Variants in FAM227B observed in about 807,000 individuals in gnomAD.
FAM227B encodes the protein protein FAM227B.
FAM227B carries 88 observed loss-of-function variants against 73.8 expected under a neutral mutation model. The observed-to-expected ratio is 1.19, with a 90% CI of 1.00 to 1.42. FAM227B has a LOEUF of 1.42. Among genes scored for constraint, FAM227B ranks in the 40% most tolerant of loss-of-function variants. FAM227B has a pLI of 0.00. For synonymous variants in FAM227B, 210 were observed against 190.5 expected, an observed-to-expected ratio of 1.10 and a Z score of -0.84; for missense variants, 632 against 590.9, an observed-to-expected ratio of 1.07 and a Z score of -0.72.
chr15:49,340,604 G>A (rs1308186554), intron 13 of FAM227B, among the ~76,000 whole-genome samples: 1 of 152,044 alleles, frequency 6.6e-6, no homozygotes, highest in Non-Finnish European at 1.5e-5. Flanking sequence ...ACTTTTTAAT[G>A]GGGCTATTTA....
At chr15:49,528,383 A>T (rs1001942741) in intron 10 of FAM227B, among the ~76,000 whole-genome samples, 5 of 151,742 alleles carry the variant, frequency 3.3e-5, no homozygotes, top group Admixed American at 1.3e-4. Context: ...AAGAACTGAA[A>T]CTATAAAATA....
intron 11 of FAM227B, among the ~76,000 whole-genome samples, chr15:49,417,006 C>T (rs974316201): frequency 1.3e-5 from 2 of 152,112 alleles, no homozygotes; most frequent in African/African-American, 4.8e-5. Flanking sequence ...ATCAAACTAC[C>T]AATGACATTC....
At chr15:49,542,628 T>C (rs939373037) in intron 9 of FAM227B, among the ~76,000 whole-genome samples, 6 of 151,854 alleles carry the variant, frequency 4.0e-5, no homozygotes, top group African/African-American at 9.7e-5. Flanking sequence ...CTTAGAATAA[T>C]TGTCTGCAGC....
At chr15:49,531,161 G>A (rs931531598) in intron 10 of FAM227B, among the ~76,000 whole-genome samples, 2 of 151,706 alleles carry the variant, frequency 1.3e-5, no homozygotes, top group African/African-American at 2.4e-5. Context: ...ATATTCTTAG[G>A]TAAAAATACA....
intron 11 of FAM227B, among the ~76,000 whole-genome samples, chr15:49,442,370 T>C (rs970336097): frequency 6.6e-6 from 1 of 151,630 alleles, no homozygotes; most frequent in Admixed American, 6.6e-5. Flanking sequence ...GCCATTTCAG[T>C]CCACCCCTGC....
chr15:49,381,061 C>T (rs954645276), intron 11 of FAM227B, among the ~76,000 whole-genome samples: 1 of 152,032 alleles, frequency 6.6e-6, no homozygotes, highest in African/African-American at 2.4e-5. Flanking sequence ...GAAGCAAGAG[C>T]AAGGGGGAGG....
chr15:49,617,805 T>C (rs138178508), intron 1 of FAM227B, among the ~76,000 whole-genome samples: 1 of 151,204 alleles, frequency 6.6e-6, no homozygotes, highest in African/African-American at 2.5e-5. Context: ...TGTGTGTGTG[T>C]GACAGAGTTT....
At chr15:49,404,517 C>A (rs1466146821) in intron 11 of FAM227B, among the ~76,000 whole-genome samples, 3 of 151,950 alleles carry the variant, frequency 2.0e-5, no homozygotes, top group Non-Finnish European at 4.4e-5. Context: ...TTATGTAACA[C>A]CCTTCCTTGT....
At chr15:49,365,553 A>C in intron 13 of FAM227B, 1 of 888,290 alleles carries the variant, frequency 1.1e-6, no homozygotes, top group Non-Finnish European at 1.9e-6. Context: ...CAGTATTTTC[A>C]AAAGGTCCAG....
chr15:49,391,637 C>T (rs1220883565), intron 11 of FAM227B, among the ~76,000 whole-genome samples: 3 of 152,128 alleles, frequency 2.0e-5, no homozygotes, highest in Non-Finnish European at 4.4e-5. Flanking sequence ...TTCTGATGAC[C>T]CCAAGTTTTT....
chr15:49,557,245 C>CT lies in FAM227B; in HGVS notation c.747+10999dup, dbSNP rs199762504. 3.3e-5 allele frequency among the ~76,000 whole-genome samples: 5 copies of CT among 151,658 alleles called. No individual in the cohort carries two copies. In the South Asian group the frequency reaches 6.3e-4, roughly 19 times the overall value. The stretch of plus-strand genomic sequence containing the variant: ...TATTTACTTTATGAAATATATATGT[C>CT]TTTTTTTTTCTTATAACTTGCTTTT... On this transcript the variant is annotated intron_variant, in intron 9 of 15. Transcript: ENST00000299338.
intron 13 of FAM227B, among the ~76,000 whole-genome samples, chr15:49,345,960 T>C (rs112474273): frequency 4.4e-4 from 67 of 152,166 alleles, no homozygotes; most frequent in African/African-American, 1.5e-3. Flanking sequence ...TTCGTACTTA[T>C]CTGCCAAAAG....
intron 10 of FAM227B, among the ~76,000 whole-genome samples, chr15:49,538,127 G>C (rs182625208): frequency 6.6e-6 from 1 of 152,304 alleles, no homozygotes; most frequent in African/African-American, 2.4e-5. Context: ...GCTTTCAGTG[G>C]ATTTTTCAAC....
chr15:49,611,480 T>C (rs1248275968), intron 2 of FAM227B, among the ~76,000 whole-genome samples: 1 of 152,162 alleles, frequency 6.6e-6, no homozygotes, highest in African/African-American at 2.4e-5. Flanking sequence ...AATTTTGTAA[T>C]AGGCTTCCCT....
intron 10 of FAM227B, among the ~76,000 whole-genome samples, chr15:49,525,887 G>A (rs1282040014): frequency 6.6e-6 from 1 of 150,996 alleles, no homozygotes; most frequent in African/African-American, 2.4e-5. Context: ...CAACAATGGA[G>A]CACAAAGATT....
intron 11 of FAM227B, among the ~76,000 whole-genome samples, chr15:49,481,778 T>C (rs2055970167): frequency 6.6e-6 from 1 of 152,202 alleles, no homozygotes; most frequent in Non-Finnish European, 1.5e-5. Context: ...ATTTGCATTT[T>C]CTTAATAAAA....
chr15:49,392,526 G>A (rs2047284476), intron 11 of FAM227B, among the ~76,000 whole-genome samples: 1 of 152,134 alleles, frequency 6.6e-6, no homozygotes, highest in Non-Finnish European at 1.5e-5. Flanking sequence ...GTATATAAAA[G>A]TGAGGTTGAG....
intron 10 of FAM227B, among the ~76,000 whole-genome samples, chr15:49,539,354 T>A (rs957333177): frequency 1.4e-4 from 21 of 152,176 alleles, no homozygotes; most frequent in Admixed American, 1.1e-3. Flanking sequence ...CCCACAGATA[T>A]CCCTAAAAAT....
chr15:49,527,907 A>G (rs1383287426), intron 10 of FAM227B, among the ~76,000 whole-genome samples: 1 of 151,950 alleles, frequency 6.6e-6, no homozygotes, highest in African/African-American at 2.4e-5. Flanking sequence ...AAGAATCAAT[A>G]TCATTAAAAT....
Sources: allele counts gnomAD v4.1 joint callset (sites outside exome capture counted in the v4.1 genomes callset), GRCh38; gene constraint gnomAD v4.1.1; transcripts MANE v1.5; gene names NCBI Gene and HGNC (gene_info 2026-07-23, HGNC 2026-07-21).